PANK2: variants seen among roughly 807,000 people sequenced by gnomAD.
The protein encoded by PANK2 is pantothenate kinase 2, mitochondrial.
PANK2 carries 36 observed loss-of-function variants against 43.1 expected under a neutral mutation model. The observed-to-expected ratio is 0.84, with a 90% confidence interval of 0.64 to 1.10. The LOEUF (loss-of-function observed/expected upper bound fraction) is 1.10. Ranked by LOEUF, PANK2 falls within the 50% of genes least tolerant of loss-of-function variation. The pLI is 0.00. For missense variants in PANK2, 576 were observed against 593.3 expected (o/e 0.97, Z 0.30); for synonymous variants, 281 against 238.2 (o/e 1.18, Z -1.66).
intron 1 of PANK2, among the ~76,000 whole-genome samples, chr20:3,900,092 T>C (rs2090277353): frequency 6.6e-6 from 1 of 151,994 alleles, no homozygotes; most frequent in South Asian, 2.1e-4. Flanking sequence ...TCTGCTAGTA[T>C]TGTATCTGCT....
At chr20:3,912,400 C>T in intron 3 of PANK2, 58 bp from the exon 4 acceptor site, 1 of 1,575,370 alleles carries the variant, frequency 6.3e-7, no homozygotes, top group Non-Finnish European at 8.7e-7. Context: ...TAAATGTTAA[C>T]TTCTTGTTCT....
At chr20:3,892,856 C>G (rs1020455526) in intron 1 of PANK2, among the ~76,000 whole-genome samples, 1 of 152,050 alleles carries the variant, frequency 6.6e-6, no homozygotes, top group African/African-American at 2.4e-5. Context: ...CAAACCGGCC[C>G]TTGTCCCAGA....
intron 1 of PANK2, among the ~76,000 whole-genome samples, chr20:3,899,979 C>G (rs563588284): frequency 3.3e-5 from 5 of 151,942 alleles, no homozygotes; most frequent in Admixed American, 6.6e-5. Context: ...GCTGGGATTA[C>G]AGGCGTGAGC....
chr20:3,896,148 T>C (rs1436206430), intron 1 of PANK2, among the ~76,000 whole-genome samples: 1 of 151,622 alleles, frequency 6.6e-6, no homozygotes. Flanking sequence ...TGCAAGCTCC[T>C]TCTCCTGGGT....
intron 3 of PANK2, among the ~76,000 whole-genome samples, 160 bp downstream of exon 3, chr20:3,910,990 G>C (rs1171397611): frequency 6.6e-6 from 1 of 152,158 alleles, no homozygotes; most frequent in African/African-American, 2.4e-5. Context: ...TTATGACCTA[G>C]TTTTCTTTAA....
chr20:3,918,829 T>C, intron 6 of PANK2, 33 bp downstream of exon 6: 2 of 1,614,134 alleles, frequency 1.2e-6, no homozygotes, highest in Non-Finnish European at 8.5e-7. Context: ...GTATATTATG[T>C]ACACAGAGGG....
Position 3,928,998 on chromosome 20 carries a change from G to A in PANK2, c.*5704G>A, listed in dbSNP as rs565892265. Reference sequence around the variant, plus strand: ...TGAGTGGCTGGGATTACAGGCATGCGTCACCACACCCGGCAAATTTTTGTA... The same window carrying A: ...TGAGTGGCTGGGATTACAGGCATGCATCACCACACCCGGCAAATTTTTGTA... On this transcript the variant is annotated 3_prime_UTR_variant, in exon 7 of 7. Transcript: ENST00000610179. 3 of 151,886 alleles carry A rather than the reference G, an allele frequency of 2.0e-5. No homozygotes were observed. Among genetic ancestry groups the A allele is most frequent in the South Asian group, 2.1e-4 (1 of 4,808 alleles). The allele number at this position is 151,886 out of a possible 1,614,324, so 9.4% of individuals were successfully genotyped here. A position where few individuals can be genotyped will look rare whatever the true frequency, so the allele number is the denominator to read the frequency against.
upstream of PANK2, chr20:3,889,303 C>CCAAA (rs751507874): frequency 6.2e-7 from 1 of 1,602,552 alleles, no homozygotes; most frequent in South Asian, 1.1e-5. Flanking sequence ...GGACGCGAGG[C>CCAAA]CTTTGGGCCG....
intron 1 of PANK2, chr20:3,901,659 A>G (rs968272487): frequency 3.2e-6 from 3 of 923,634 alleles, no homozygotes; most frequent in Middle Eastern, 5.4e-4. Context: ...TGTAAAAGTC[A>G]GTACTTTTGT....
At chr20:3,894,208 G>C (rs755340088) in intron 1 of PANK2, among the ~76,000 whole-genome samples, 6 of 151,540 alleles carry the variant, frequency 4.0e-5, no homozygotes, top group Non-Finnish European at 8.8e-5. Flanking sequence ...TGGGATTACA[G>C]GTGTGAGCCA....
intron 4 of PANK2, among the ~76,000 whole-genome samples, chr20:3,915,538 C>G (rs563210166): frequency 2.0e-5 from 3 of 152,112 alleles, no homozygotes; most frequent in Non-Finnish European, 4.4e-5. Context: ...CCTCGTGATC[C>G]GCCCACCTTG....
chr20:3,894,304 G>GAT lies in PANK2; in HGVS notation c.298+4577_298+4578dup, dbSNP rs558048555. On this transcript the variant is annotated intron_variant, in intron 1 of 6. Coordinates refer to ENST00000610179, the MANE Select transcript of PANK2 (RefSeq NM_001386393.1). ...TGCCCAGGCTGGAGTGCAATGGCGT[G>GAT]ATCTCGGCTCACCACAACCTCCACC... Among the ~76,000 whole-genome samples the GAT allele has an allele frequency of 2.1e-3, 326 of 151,858 alleles. 3 individuals carry two copies. Among genetic ancestry groups the GAT allele is most frequent in the African/African-American group, 6.8e-3 (282 of 41,382 alleles).
At chr20:3,906,928 A>G (rs954259300) in intron 1 of PANK2, among the ~76,000 whole-genome samples, 2 of 151,656 alleles carry the variant, frequency 1.3e-5, no homozygotes, top group South Asian at 4.2e-4. Flanking sequence ...CCTCCGGAGT[A>G]GCTGGGACTA....
At chr20:3,895,277 T>A (rs541722529) in intron 1 of PANK2, among the ~76,000 whole-genome samples, 91 of 151,288 alleles carry the variant, frequency 6.0e-4, no homozygotes, top group African/African-American at 2.0e-3. Flanking sequence ...CCATCTCAAA[T>A]AAAATAAATA....
At chr20:3,914,639 G>T (rs1237980996) in intron 4 of PANK2, among the ~76,000 whole-genome samples, 1 of 151,384 alleles carries the variant, frequency 6.6e-6, no homozygotes, top group Non-Finnish European at 1.5e-5. Context: ...TCTCTCTGTT[G>T]CCCAGGCTGG....
intron 1 of PANK2, among the ~76,000 whole-genome samples, chr20:3,892,471 T>C (rs966750492): frequency 6.6e-5 from 10 of 151,902 alleles, no homozygotes; most frequent in African/African-American, 2.2e-4. Flanking sequence ...GAGGTTTGGG[T>C]ATGGAATGGT....
chr20:3,892,352 A>G (rs1471694591), intron 1 of PANK2, among the ~76,000 whole-genome samples: 1 of 111,424 alleles, frequency 9.0e-6, no homozygotes, highest in African/African-American at 2.8e-5. Context: ...AAAAAAAAAC[A>G]AAAAAAAAGG....
intron 5 of PANK2, among the ~76,000 whole-genome samples, 154 bp downstream of exon 5, chr20:3,917,204 ATCT>A (rs768626106): frequency 9.9e-5 from 15 of 151,716 alleles, no homozygotes; most frequent in East Asian, 1.9e-4. Context: ...ATACAGATTA[ATCT>A]TCTTTTTTTT....
intron 1 of PANK2, among the ~76,000 whole-genome samples, chr20:3,890,307 TTCTG>T (rs903816025): frequency 2.2e-4 from 33 of 152,316 alleles, no homozygotes; most frequent in African/African-American, 7.0e-4. Flanking sequence ...TCCGTTTTCC[TTCTG>T]TCTATTTGCA....
Sources: allele counts gnomAD v4.1 joint callset (sites outside exome capture counted in the v4.1 genomes callset), GRCh38; gene constraint gnomAD v4.1.1; transcripts MANE v1.5; gene names NCBI Gene and HGNC (gene_info 2026-07-23, HGNC 2026-07-21).